PRKAR2B: variants seen among roughly 807,000 people sequenced by gnomAD.
The protein encoded by PRKAR2B is protein kinase cAMP-dependent type II regulatory subunit beta.
PRKAR2B carries 14 observed loss-of-function variants against 49.9 expected under a neutral mutation model. The observed-to-expected ratio is 0.28, with a 90% CI of 0.19 to 0.44. PRKAR2B has a LOEUF of 0.44. PRKAR2B is among the 20% of genes least tolerant of loss of function. The pLI is 1.00. For synonymous variants in PRKAR2B, 196 were observed against 197.7 expected, an observed-to-expected ratio of 0.99 and a Z score of 0.07; for missense variants, 393 against 537.9, an observed-to-expected ratio of 0.73 and a Z score of 2.67.
At chr7:107,070,403 T>G in intron 2 of PRKAR2B, 87 bp downstream of exon 2, 1 of 1,150,014 alleles carries the variant, frequency 8.7e-7, no homozygotes, top group South Asian at 1.4e-5. Flanking sequence ...AAAGAATAAT[T>G]GCTGTATAGT....
intron 2 of PRKAR2B, among the ~76,000 whole-genome samples, chr7:107,073,469 A>G (rs764855675): frequency 6.6e-6 from 1 of 152,152 alleles, no homozygotes; most frequent in Non-Finnish European, 1.5e-5. Flanking sequence ...CTTACTTGGT[A>G]CAGGAGTGGA....
In PRKAR2B at chr7:107,044,817, C is replaced by A. The variant is rs1056816701; in HGVS notation, c.-91C>A. On this transcript the variant is annotated 5_prime_UTR_variant, in exon 1 of 11. Transcript: ENST00000265717. ...CTCGCAGCCGGTAGCGCGCCAGCGC[C>A]GTAGGCGCTCGCTCGGCAGCCGCGG... 7.4e-6 allele frequency: 8 copies of A among 1,083,440 alleles called. No individual in the cohort carries two copies. The highest frequency in any genetic ancestry group is 8.8e-5 in the Admixed American group (2 of 22,658). The allele number at this position is 1,083,440 out of a possible 1,614,324, so 67.1% of individuals were successfully genotyped here. A position where few individuals can be genotyped will look rare whatever the true frequency, so the allele number is the denominator to read the frequency against.
At chr7:107,106,977 G>A (rs945992327) in intron 2 of PRKAR2B, among the ~76,000 whole-genome samples, 5 of 152,178 alleles carry the variant, frequency 3.3e-5, no homozygotes, top group Non-Finnish European at 7.4e-5. Context: ...CACATAAGGG[G>A]CCTCTCCTCA....
intron 1 of PRKAR2B, among the ~76,000 whole-genome samples, chr7:107,053,491 T>C (rs1297332479): frequency 1.3e-5 from 2 of 151,818 alleles, no homozygotes; most frequent in African/African-American, 2.4e-5. Flanking sequence ...ATGATCAATT[T>C]TGGTTCCCTG....
At chr7:107,054,717 T>A (rs1457784853) in intron 1 of PRKAR2B, among the ~76,000 whole-genome samples, 1 of 152,210 alleles carries the variant, frequency 6.6e-6, no homozygotes, top group African/African-American at 2.4e-5. Context: ...ACAGTAGGTG[T>A]GCAAATGTTT....
intron 2 of PRKAR2B, among the ~76,000 whole-genome samples, chr7:107,074,631 T>C (rs1178495269): frequency 6.6e-6 from 1 of 151,766 alleles, no homozygotes; most frequent in Non-Finnish European, 1.5e-5. Flanking sequence ...AAACGCTGTC[T>C]CTACTAAAAA....
intron 8 of PRKAR2B, among the ~76,000 whole-genome samples, chr7:107,156,057 A>G (rs796231033): frequency 3.9e-5 from 6 of 152,272 alleles, no homozygotes; most frequent in African/African-American, 1.4e-4. Flanking sequence ...TTGAACAATA[A>G]GAACACATGG....
At chr7:107,087,609 A>G (rs574058708) in intron 2 of PRKAR2B, among the ~76,000 whole-genome samples, 121 of 152,290 alleles carry the variant, frequency 7.9e-4, no homozygotes, top group Middle Eastern at 3.4e-3. Context: ...CCAAGCTTAC[A>G]CAGTGACTGA....
At chr7:107,048,048 C>T (rs1793731835) in intron 1 of PRKAR2B, among the ~76,000 whole-genome samples, 1 of 152,136 alleles carries the variant, frequency 6.6e-6, no homozygotes, top group Admixed American at 6.5e-5. Context: ...TTTATGAGAA[C>T]GATAAGGCCA....
intron 2 of PRKAR2B, among the ~76,000 whole-genome samples, chr7:107,088,895 C>T (rs1794670242): frequency 6.6e-6 from 1 of 152,118 alleles, no homozygotes; most frequent in African/African-American, 2.4e-5. Flanking sequence ...CCACTGCACC[C>T]AGCCGGAGGT....
At chr7:107,127,212 G>C (rs1285356502) in intron 3 of PRKAR2B, among the ~76,000 whole-genome samples, 1 of 152,220 alleles carries the variant, frequency 6.6e-6, no homozygotes, top group Non-Finnish European at 1.5e-5. Context: ...GGTAGGGCAG[G>C]CTGCCTGAAG....
intron 2 of PRKAR2B, among the ~76,000 whole-genome samples, chr7:107,094,498 G>A (rs1157550991): frequency 6.6e-6 from 1 of 152,150 alleles, no homozygotes; most frequent in Non-Finnish European, 1.5e-5. Flanking sequence ...CTGTGCAGAA[G>A]CTCTTTAGTT....
chr7:107,142,450 T>C (rs1297303610), intron 5 of PRKAR2B, among the ~76,000 whole-genome samples: 5 of 152,226 alleles, frequency 3.3e-5, no homozygotes, highest in Admixed American at 6.5e-5. Context: ...TGTTTAATTG[T>C]AGAGGTGTAT....
chr7:107,155,905 A>G (rs762927775), intron 8 of PRKAR2B, among the ~76,000 whole-genome samples: 1 of 152,216 alleles, frequency 6.6e-6, no homozygotes, highest in Admixed American at 6.5e-5. Flanking sequence ...GTACATATAT[A>G]CCATGGAGTA....
intron 2 of PRKAR2B, among the ~76,000 whole-genome samples, chr7:107,075,105 A>T (rs1046518788): frequency 5.3e-5 from 8 of 151,328 alleles, no homozygotes; most frequent in Non-Finnish European, 7.4e-5. Flanking sequence ...TATTATTTTT[A>T]AATTTTTTTT....
intron 2 of PRKAR2B, among the ~76,000 whole-genome samples, chr7:107,078,924 G>A (rs1010236845): frequency 6.6e-6 from 1 of 152,140 alleles, no homozygotes; most frequent in Non-Finnish European, 1.5e-5. Flanking sequence ...ATCTTTCTGC[G>A]CCTATAGTGT....
chr7:107,127,478 G>A (rs1434017881), intron 3 of PRKAR2B, among the ~76,000 whole-genome samples: 1 of 152,226 alleles, frequency 6.6e-6, no homozygotes, highest in Non-Finnish European at 1.5e-5. Context: ...TACACACACG[G>A]CATTCTGCCA....
intron 1 of PRKAR2B, among the ~76,000 whole-genome samples, chr7:107,046,831 C>CATATATAT (rs113417055): frequency 2.6e-4 from 39 of 149,170 alleles, no homozygotes; most frequent in African/African-American, 9.3e-4. Context: ...TGGTAAAGAC[C>CATATATAT]ATATATATAT....
chr7:107,059,616 C>T (rs1052040647), intron 1 of PRKAR2B, among the ~76,000 whole-genome samples: 1 of 151,590 alleles, frequency 6.6e-6, no homozygotes, highest in Non-Finnish European at 1.5e-5. Context: ...TGTAGTATAC[C>T]CTTGTATAAA....
Sources: gnomAD v4.1 joint callset for allele counts (sites outside exome capture counted in the v4.1 genomes callset) on GRCh38, gnomAD v4.1.1 for gene constraint, MANE v1.5 for transcripts, NCBI Gene and HGNC (gene_info 2026-07-23, HGNC 2026-07-21) for gene names.